The following DZIP1 variants were observed in gnomAD, a reference collection of about 807,000 sequenced individuals.
The protein encoded by DZIP1 is cilium assembly protein DZIP1.
DZIP1 carries 97 observed loss-of-function variants against 107.6 expected under a neutral mutation model. That is an observed-to-expected ratio of 0.90 (90% CI 0.77 to 1.07). The LOEUF (loss-of-function observed/expected upper bound fraction) is 1.07, where lower values mean the gene tolerates loss of function less well. Among genes scored for constraint, DZIP1 ranks in the 50% least tolerant of loss-of-function variants. The pLI is 0.00. For missense variants in DZIP1, 1,035 were observed against 1,063.6 expected (o/e 0.97, Z 0.37); for synonymous variants, 390 against 386.4 (o/e 1.01, Z -0.11).
In DZIP1 at chr13:95,579,732, A is replaced by G. The variant is rs551035369; in HGVS notation, c.*2502T>C. 5 of 152,354 alleles carry G rather than the reference A, an allele frequency of 3.3e-5. No individual in the cohort carries two copies. The South Asian group carries it at 1.0e-3, about 32-fold the overall frequency. 9.4% of individuals were successfully genotyped at this position (152,354 alleles called of 1,614,324 possible). On this transcript the variant is annotated 3_prime_UTR_variant, in exon 23 of 23. Transcript: ENST00000376829. ...GAAATGAACAAGTTTGTTAAAAGATAAAAAATAAAAAAAATTCCATACCTT... is the reference window on the plus strand; with the variant it reads ...GAAATGAACAAGTTTGTTAAAAGATGAAAAATAAAAAAAATTCCATACCTT...
At chr13:95,588,553 A>G (rs2044224962) in intron 19 of DZIP1, among the ~76,000 whole-genome samples, 1 of 152,204 alleles carries the variant, frequency 6.6e-6, no homozygotes, top group African/African-American at 2.4e-5. Context: ...ATTCCCATTT[A>G]ATTTGTAGAA....
intron 10 of DZIP1, among the ~76,000 whole-genome samples, chr13:95,615,776 G>A (rs1874979200): frequency 6.6e-6 from 1 of 152,308 alleles, no homozygotes; most frequent in East Asian, 1.9e-4. Context: ...CACAGGGCCT[G>A]CATTCAAATA....
chr13:95,598,222 C>T (rs779513215), intron 15 of DZIP1, among the ~76,000 whole-genome samples: 1 of 152,104 alleles, frequency 6.6e-6, no homozygotes, highest in Non-Finnish European at 1.5e-5. Context: ...GCAACTAAAA[C>T]CAAACTCTTC....
intron 9 of DZIP1, among the ~76,000 whole-genome samples, chr13:95,620,426 A>G (rs1875684525): frequency 6.6e-6 from 1 of 152,242 alleles, no homozygotes; most frequent in Admixed American, 6.5e-5. Context: ...GAACAGACTA[A>G]TACAGCTGGT....
Position 95,641,893 on chromosome 13 carries a change from GA to G in DZIP1, c.37-39del. ...CAAAGAGAGCGCGGCGGGAGGCGGGGATGGGGGGCGGGCAGGCTGGGGAGCT... is the reference window on the plus strand; with the variant it reads ...CAAAGAGAGCGCGGCGGGAGGCGGGGTGGGGGGCGGGCAGGCTGGGGAGCT... On this transcript the variant is annotated intron_variant, in intron 4 of 22. Coordinates refer to ENST00000376829, the MANE Select transcript of DZIP1 (RefSeq NM_198968.4). The surrounding 1 kb of genome is among the most constrained non-coding windows in gnomAD (Gnocchi z 4.3). 9.0e-7 allele frequency: 1 copy of G among 1,115,950 alleles called. No homozygotes were observed. Among genetic ancestry groups the G allele is most frequent in the Non-Finnish European group, 1.2e-6 (1 of 865,158 alleles). The allele number at this position is 1,115,950 out of a possible 1,614,324, so 69.1% of individuals were successfully genotyped here.
In DZIP1 at chr13:95,641,249, G is replaced by A. The variant is rs1413106896; in HGVS notation, c.597+46C>T. On this transcript the variant is annotated intron_variant, in intron 5 of 22. Transcript: ENST00000376829. This position sits in a 1 kb window ranked among gnomAD's most constrained non-coding sequence, Gnocchi z 4.3. ...GGGACAGGCCTATCAAATGGGAACT[G>A]AGTTGTTTACTGGATTATGAATCGT... The A allele has an allele frequency of 5.9e-6, 9 of 1,527,748 alleles. No homozygotes were observed. The highest frequency in any genetic ancestry group is 6.2e-6 in the Non-Finnish European group (7 of 1,134,778). 94.6% of individuals were successfully genotyped at this position (1,527,748 alleles called of 1,614,324 possible).
chr13:95,619,111 A>G (rs1301986808), intron 10 of DZIP1, among the ~76,000 whole-genome samples: 1 of 152,244 alleles, frequency 6.6e-6, no homozygotes, highest in African/African-American at 2.4e-5. Context: ...GTATTTGACA[A>G]TGAAGAAATG....
rs192558454 is a variant in DZIP1, at chr13:95,590,816, A to C, written c.1681-375T>G. Among the ~76,000 whole-genome samples the C allele has an allele frequency of 2.2e-4, 34 of 152,300 alleles. 1 individual carries two copies. The East Asian group carries it at 6.2e-3, about 28-fold the overall frequency. On this transcript the variant is annotated intron_variant, in intron 16 of 22. Coordinates refer to ENST00000376829, the MANE Select transcript of DZIP1 (RefSeq NM_198968.4). The stretch of plus-strand genomic sequence containing the variant: ...TGGAGTCAAACAAGTAAAAACAAGG[A>C]GAAATTTCCAGATGGGTAGGCATGA...
rs775715417 is a variant in DZIP1, at chr13:95,625,967, T to TA, written c.811-1039dup. 3.0e-3 allele frequency among the ~76,000 whole-genome samples: 415 copies of TA among 139,128 alleles called. 3 individuals are homozygous for TA. The highest frequency in any genetic ancestry group is 7.4e-3 in the Middle Eastern group (2 of 272). The allele number at this position is 139,128 out of a possible 152,430, so 91.3% of individuals were successfully genotyped here. A position where few individuals can be genotyped will look rare whatever the true frequency, so the allele number is the denominator to read the frequency against. On this transcript the variant is annotated intron_variant, in intron 7 of 22. Coordinates refer to ENST00000376829, the MANE Select transcript of DZIP1 (RefSeq NM_198968.4). ...GTGAGACCTCATCTCTACCAAAAAT[T>TA]AAAAAAAAAAAAAAATTAGCCAGGT...
chr13:95,635,343 C>A (rs765067178), intron 5 of DZIP1, among the ~76,000 whole-genome samples: 2 of 151,868 alleles, frequency 1.3e-5, no homozygotes, highest in African/African-American at 4.8e-5. Context: ...ATTACAGGTG[C>A]CCGCCACCAC....
rs898414803 is a variant in DZIP1 at position 95,644,691 on chromosome 13, G to T, written c.-840C>A. ...GATCTCCCTCCGGCCTCTTCCCTCG[G>T]TGTCCCGGCTCCTCTGGCAACTGGG... On this transcript the variant is annotated 5_prime_UTR_variant, in exon 1 of 23. Transcript: ENST00000376829. 4 of 145,392 alleles carry T rather than the reference G, an allele frequency of 2.8e-5. No individual in the cohort carries two copies. Among genetic ancestry groups the T allele is most frequent in the Non-Finnish European group, 4.5e-5 (3 of 66,588 alleles). The allele number at this position is 145,392 out of a possible 1,614,324, so 9.0% of individuals were successfully genotyped here.
chr13:95,599,310 A>T, intron 15 of DZIP1, 55 bp downstream of exon 15: 1 of 1,490,978 alleles, frequency 6.7e-7, no homozygotes, highest in Non-Finnish European at 9.3e-7. Context: ...CCAGGCCTAG[A>T]TTTTGGCATA....
At position 95,579,712 on chromosome 13, in the gene DZIP1, G is replaced by A. The variant is rs1309611705; in HGVS notation, c.*2522C>T. 1.8e-4 allele frequency: 27 copies of A among 152,074 alleles called. No individual in the cohort carries two copies. Among genetic ancestry groups the A allele is most frequent in the Admixed American group, 1.8e-3 (27 of 15,260 alleles). 9.4% of individuals were successfully genotyped at this position (152,074 alleles called of 1,614,324 possible). On this transcript the variant is annotated 3_prime_UTR_variant, in exon 23 of 23. Coordinates refer to ENST00000376829, the MANE Select transcript of DZIP1 (RefSeq NM_198968.4). ...GTGCTCAATGGAAAGAAAAGGAAAT[G>A]AACAAGTTTGTTAAAAGATAAAAAA...
In DZIP1 at chr13:95,624,763, C is replaced by T. The variant is rs376152020; in HGVS notation, c.972+5G>A. On this transcript the variant is annotated splice_donor_5th_base_variant and intron_variant, in intron 8 of 22. Coordinates refer to ENST00000376829, the MANE Select transcript of DZIP1 (RefSeq NM_198968.4). ...ACCATAAGAACTTCTAGGTTTAATA[C>T]TTACATATTCTAATGCTGAATTCTT... 1.1e-5 allele frequency: 18 copies of T among 1,588,664 alleles called. No individual in the cohort carries two copies. The highest frequency in any genetic ancestry group is 1.4e-5 in the Non-Finnish European group (16 of 1,163,826).
In DZIP1 at chr13:95,590,331, G is replaced by A. The variant is rs2138823888; in HGVS notation, c.1791C>T (p.Phe597=). 5 of 1,613,872 alleles carry A rather than the reference G, an allele frequency of 3.1e-6. No individual in the cohort carries two copies. Among genetic ancestry groups the A allele is most frequent in the Non-Finnish European group, 4.2e-6 (5 of 1,179,916 alleles). ...EIPNFHQIRE[F]LEHQVSCKIE... ...TTTTACAGCTGACTTGATGTTCAAG[G>A]AATTCTCGAATTTGATGAAAGTTAG... Residue 597 remains phenylalanine (F), a synonymous_variant, in exon 17 of 23, where the codon TTC becomes TTT. Coordinates refer to ENST00000376829, the MANE Select transcript of DZIP1 (RefSeq NM_198968.4).
chr13:95,582,067 A>G lies in DZIP1; in HGVS notation c.*167T>C, dbSNP rs1316214714. 4 of 598,678 alleles carry G rather than the reference A, an allele frequency of 6.7e-6. No homozygotes were observed. The African/African-American group carries it at 7.4e-5, about 11-fold the overall frequency. 37.1% of individuals were successfully genotyped at this position (598,678 alleles called of 1,614,324 possible). A position where few individuals can be genotyped will look rare whatever the true frequency, so the allele number is the denominator to read the frequency against. On this transcript the variant is annotated 3_prime_UTR_variant, in exon 23 of 23. Coordinates refer to ENST00000376829, the MANE Select transcript of DZIP1 (RefSeq NM_198968.4). ...AATACTGTTGATGATCTGATTTTCA[A>G]TACTGTATTGGGTGCCATTAAAGAG...
At chr13:95,609,765 G>A (rs1451099693) in intron 12 of DZIP1, among the ~76,000 whole-genome samples, 2 of 152,102 alleles carry the variant, frequency 1.3e-5, no homozygotes, top group Admixed American at 6.5e-5. Context: ...CTGAGCTCTT[G>A]TTATTTGAAG....
In DZIP1 at chr13:95,578,499, TG is replaced by T. The variant is rs1187549098; in HGVS notation, c.*3734del. On this transcript the variant is annotated 3_prime_UTR_variant, in exon 23 of 23. Coordinates refer to ENST00000376829, the MANE Select transcript of DZIP1 (RefSeq NM_198968.4). ...GGCTGCACACAGGCAAATTCTAGTT[TG>T]TTTTTTTTAAGTATTCTACAACATT... is the stretch of plus-strand genomic sequence containing the variant. 6.6e-6 allele frequency: 1 copy of T among 152,262 alleles called. No homozygotes were observed. The highest frequency in any genetic ancestry group is 2.4e-5 in the African/African-American group (1 of 41,468). 9.4% of individuals were successfully genotyped at this position (152,262 alleles called of 1,614,324 possible).
intron 19 of DZIP1, chr13:95,587,979 G>A (rs948998927): frequency 4.8e-6 from 2 of 415,194 alleles, no homozygotes; most frequent in Admixed American, 4.0e-5. Flanking sequence ...GCCGGGGCCT[G>A]TCTCCTCTAA....
Sources: allele counts gnomAD v4.1 joint callset (sites outside exome capture counted in the v4.1 genomes callset), GRCh38; gene constraint gnomAD v4.1.1; non-coding constraint Gnocchi (gnomAD v3.1); transcripts MANE v1.5; gene names NCBI Gene and HGNC (gene_info 2026-07-23, HGNC 2026-07-21).